Variants in GALNT17 observed in about 807,000 individuals in gnomAD.
The protein encoded by GALNT17 is UDP-GalNAc:polypeptide N-acetylgalactosaminyltransferase-like 3.
Under a neutral mutation model 63.7 loss-of-function variants are expected in GALNT17, and 29 were observed. That is an observed-to-expected ratio of 0.46 (90% CI 0.34 to 0.62). The LOEUF (loss-of-function observed/expected upper bound fraction) is 0.62. GALNT17 is among the 20% of genes least tolerant of loss of function. The pLI is 0.01. For missense variants in GALNT17, 603 were observed against 799.6 expected, an observed-to-expected ratio of 0.75 and a Z score of 2.97; for synonymous variants, 305 against 318.3, an observed-to-expected ratio of 0.96 and a Z score of 0.45.
At chr7:71,547,680 C>G (rs1055801920) in intron 5 of GALNT17, among the ~76,000 whole-genome samples, 17 of 152,106 alleles carry the variant, frequency 1.1e-4, no homozygotes, top group African/African-American at 4.1e-4. Context: ...TCACTATTTT[C>G]ATTGATAATG....
chr7:71,250,021 TG>T (rs1172506544), intron 1 of GALNT17, among the ~76,000 whole-genome samples: 3 of 152,248 alleles, frequency 2.0e-5, no homozygotes. Flanking sequence ...TTTTCAAGTG[TG>T]AACATATGAG....
At chr7:71,385,530 T>G (rs982447763) in intron 2 of GALNT17, among the ~76,000 whole-genome samples, 6 of 152,156 alleles carry the variant, frequency 3.9e-5, no homozygotes, top group Non-Finnish European at 8.8e-5. Context: ...ATTCTTCAGT[T>G]CCAGGGCTTG....
rs1345468311 is a variant in GALNT17, at chr7:71,712,197, C to T, written c.*51C>T. ...CTGGCCCCCAGGACATGGCTGCTCC[C>T]CCCAACATCTGGACCAGCTGCCCTG... On this transcript the variant is annotated 3_prime_UTR_variant, in exon 11 of 11. Coordinates refer to ENST00000333538, the MANE Select transcript of GALNT17 (RefSeq NM_022479.3). 1 of 1,584,532 alleles carries T rather than the reference C, an allele frequency of 6.3e-7. No individual in the cohort carries two copies. Among genetic ancestry groups the T allele is most frequent in the South Asian group, 1.1e-5 (1 of 87,830 alleles).
intron 5 of GALNT17, among the ~76,000 whole-genome samples, chr7:71,556,827 A>G (rs1343079548): frequency 1.3e-5 from 2 of 152,078 alleles, no homozygotes; most frequent in African/African-American, 4.8e-5. Flanking sequence ...TGGCCTCCCA[A>G]AGTGCTGGGA....
At chr7:71,672,552 G>C (rs1791085899) in intron 8 of GALNT17, among the ~76,000 whole-genome samples, 1 of 151,110 alleles carries the variant, frequency 6.6e-6, no homozygotes, top group African/African-American at 2.4e-5. Flanking sequence ...AATAAGCTTT[G>C]CAAGTTAAGT....
Position 71,691,843 on chromosome 7 carries a change from T to C in GALNT17, c.1500+14537T>C, listed in dbSNP as rs556606619. On this transcript the variant is annotated intron_variant, in intron 9 of 10. Transcript: ENST00000333538. Reference sequence around the variant, plus strand: ...TAAGTGAAAGTCACTTCTGCTCCTCTTTTTTTAATCTTTTCTTTCTTTCTT... The same window carrying C: ...TAAGTGAAAGTCACTTCTGCTCCTCCTTTTTTAATCTTTTCTTTCTTTCTT... Among the ~76,000 whole-genome samples, 4 of 151,398 alleles carry C rather than the reference T, an allele frequency of 2.6e-5. No individual in the cohort carries two copies. In the South Asian group the frequency reaches 8.4e-4, roughly 32 times the overall value.
chr7:71,539,595 C>T (rs1173296327), intron 5 of GALNT17, among the ~76,000 whole-genome samples: 2 of 151,812 alleles, frequency 1.3e-5, no homozygotes, highest in African/African-American at 2.4e-5. Flanking sequence ...ATAGCACCTC[C>T]GATGTGTCAA....
At chr7:71,433,120 A>G (rs1272368989) in intron 5 of GALNT17, among the ~76,000 whole-genome samples, 2 of 152,110 alleles carry the variant, frequency 1.3e-5, no homozygotes, top group Non-Finnish European at 2.9e-5. Context: ...TCTATTCTTT[A>G]AAAATATAAA....
intron 1 of GALNT17, chr7:71,284,168 A>C (rs1790829391): frequency 6.4e-6 from 1 of 156,494 alleles, no homozygotes; most frequent in South Asian, 2.0e-4. Flanking sequence ...TGTAACACTC[A>C]TAACACTCAC....
intron 5 of GALNT17, among the ~76,000 whole-genome samples, chr7:71,433,698 G>A (rs1456119753): frequency 2.0e-5 from 3 of 152,114 alleles, no homozygotes; most frequent in African/African-American, 4.8e-5. Context: ...TGATCCAATC[G>A]GGGTCAAATT....
chr7:71,620,146 A>T (rs763462738), intron 6 of GALNT17, among the ~76,000 whole-genome samples: 1 of 152,162 alleles, frequency 6.6e-6, no homozygotes, highest in African/African-American at 2.4e-5. Flanking sequence ...AGCCTGTGTG[A>T]TCATGGTGTA....
At chr7:71,559,748 C>T (rs1789221465) in intron 5 of GALNT17, among the ~76,000 whole-genome samples, 1 of 151,692 alleles carries the variant, frequency 6.6e-6, no homozygotes, top group South Asian at 2.1e-4. Flanking sequence ...ATAGTCCCAG[C>T]TATTTGAGAA....
rs777196037 is a variant in GALNT17, at chr7:71,156,025, T to C, written c.238+22985T>C. Among the ~76,000 whole-genome samples the C allele has an allele frequency of 3.3e-5, 5 of 151,664 alleles. 1 individual carries two copies. The highest frequency in any genetic ancestry group is 4.9e-5 in the African/African-American group (2 of 41,024). On this transcript the variant is annotated intron_variant, in intron 1 of 10. Transcript: ENST00000333538. ...CAGCTTGTCCAACATGGAGAAACCC[T>C]GTGTCTACTAAAAATACAAAATTAG...
chr7:71,584,081 A>G (rs1165984610), intron 6 of GALNT17, among the ~76,000 whole-genome samples: 1 of 152,184 alleles, frequency 6.6e-6, no homozygotes, highest in Non-Finnish European at 1.5e-5. Flanking sequence ...GCAGTGAGCC[A>G]AGGTTGCGCC....
chr7:71,535,123 G>A (rs909586503), intron 5 of GALNT17, among the ~76,000 whole-genome samples: 1 of 152,288 alleles, frequency 6.6e-6, no homozygotes. Flanking sequence ...GAAGGGCCAC[G>A]TGGCTTCCTT....
At chr7:71,459,786 C>T (rs1787420083) in intron 5 of GALNT17, among the ~76,000 whole-genome samples, 1 of 152,000 alleles carries the variant, frequency 6.6e-6, no homozygotes, top group South Asian at 2.1e-4. Flanking sequence ...ACCTGACAGT[C>T]TAGCACCTTT....
intron 5 of GALNT17, among the ~76,000 whole-genome samples, chr7:71,449,218 T>A (rs1417394781): frequency 4.3e-5 from 6 of 139,218 alleles, no homozygotes; most frequent in Non-Finnish European, 9.2e-5. Context: ...GTTCAAGCAA[T>A]TCTCCTGCCT....
chr7:71,479,097 A>G (rs1043002526), intron 5 of GALNT17, among the ~76,000 whole-genome samples: 1 of 152,188 alleles, frequency 6.6e-6, no homozygotes, highest in Non-Finnish European at 1.5e-5. Flanking sequence ...CCACCTCCTC[A>G]GCATTGCCTG....
intron 5 of GALNT17, among the ~76,000 whole-genome samples, chr7:71,547,275 C>A (rs371553883): frequency 1.8e-4 from 28 of 152,144 alleles, no homozygotes; most frequent in African/African-American, 6.7e-4. Flanking sequence ...AGCAGTTCTC[C>A]TGCCTCAGCC....
Sources: allele counts gnomAD v4.1 joint callset (sites outside exome capture counted in the v4.1 genomes callset), GRCh38; gene constraint gnomAD v4.1.1; transcripts MANE v1.5; gene names NCBI Gene and HGNC (gene_info 2026-07-23, HGNC 2026-07-21).